ZNF280C: variants seen among roughly 807,000 people sequenced by gnomAD.
The protein encoded by ZNF280C is zinc finger protein 280C, also known as suppressor of hairy wing homolog 3.
ZNF280C carries 14 observed loss-of-function variants against 53.6 expected under a neutral mutation model. The ratio of observed to expected loss-of-function variants is 0.26; its 90% CI spans 0.17 to 0.41. ZNF280C has a LOEUF of 0.41. ZNF280C is among the 10% of genes least tolerant of loss of function. ZNF280C has a pLI of 1.00. For missense variants in ZNF280C, 416 were observed against 547.1 expected (o/e 0.76, Z 2.39); for synonymous variants, 203 against 181.1 (o/e 1.12, Z -0.97).
In ZNF280C at chrX:130,215,189, T is replaced by A. The variant is rs1434629151; in HGVS notation, c.1979+4A>T. On this transcript the variant is annotated splice_donor_region_variant and intron_variant, in intron 15 of 18. Coordinates refer to ENST00000370978, the MANE Select transcript of ZNF280C (RefSeq NM_017666.5). ...CTGATTGGCAGTTTACATGTTTAAC[T>A]TACCTCATCATATGATTTACAAAGG... 2 of 1,203,827 alleles carry A rather than the reference T, an allele frequency of 1.7e-6. No homozygotes were observed. Among genetic ancestry groups the A allele is most frequent in the South Asian group, 1.8e-5 (1 of 55,504 alleles).
intron 3 of ZNF280C, among the ~76,000 whole-genome samples, chrX:130,244,272 T>A (rs1174532974): frequency 9.0e-6 from 1 of 111,709 alleles, no homozygotes; most frequent in Non-Finnish European, 1.9e-5. Flanking sequence ...ACGCTAGAAG[T>A]CAGTTTGAGC....
intron 5 of ZNF280C, among the ~76,000 whole-genome samples, chrX:130,241,236 T>C (rs756188624): frequency 8.9e-6 from 1 of 112,415 alleles, no homozygotes; most frequent in East Asian, 2.8e-4. Context: ...TAGATTTAAA[T>C]TTTTAAATAA....
intron 16 of ZNF280C, among the ~76,000 whole-genome samples, chrX:130,206,688 G>C (rs2031979247): frequency 9.0e-6 from 1 of 111,357 alleles, no homozygotes; most frequent in Non-Finnish European, 1.9e-5. Context: ...TTAACAACCT[G>C]TTGTGGATTT....
At chrX:130,208,426 G>C (rs1270568832) in intron 16 of ZNF280C, among the ~76,000 whole-genome samples, 1 of 111,091 alleles carries the variant, frequency 9.0e-6, no homozygotes, top group African/African-American at 3.3e-5. Flanking sequence ...CACTGCACCC[G>C]ACCCATACAC....
Position 130,205,126 on chromosome X carries a change from G to T in ZNF280C, c.2189C>A (p.Pro730His), listed in dbSNP as rs758665492. ...GGAAAATTAAACTTACCCAGTAGTG[G>T]GTTCAGAAGTTGAGGTACTTTTGGA... is the stretch of plus-strand genomic sequence containing the variant. ...NVSKSTSTSE[P>H]TTGCSLK Residue 730 changes from proline to histidine, a missense_variant, in exon 18 of 19, where the codon CCC becomes CAC. Pro to His is a moderately conservative substitution (Grantham distance 77). Around this residue, in one of 3 missense-constraint regions of ZNF280C, gnomAD observed 151 missense variants for 176.9 expected, o/e 0.85. Transcript: ENST00000370978. The T allele has an allele frequency of 4.2e-6, 5 of 1,200,159 alleles. No individual in the cohort carries two copies. The African/African-American group carries it at 8.8e-5, about 21-fold the overall frequency.
intron 16 of ZNF280C, among the ~76,000 whole-genome samples, 200 bp downstream of exon 16, chrX:130,209,453 C>T (rs2032018066): frequency 8.9e-6 from 1 of 111,828 alleles, no homozygotes; most frequent in South Asian, 3.7e-4. Context: ...TGTTATTTTA[C>T]AAACGCAAAT....
At chrX:130,228,617 CTTTTTTTTTT>C (rs35926660) in intron 10 of ZNF280C, among the ~76,000 whole-genome samples, 8 of 58,398 alleles carry the variant, frequency 1.4e-4, no homozygotes, top group Admixed American at 4.9e-4. Flanking sequence ...TTTTCTTCTA[CTTTTTTTTTT>C]TTTTTTTTTT....
At chrX:130,231,556 C>T (rs1293503199) in intron 8 of ZNF280C, among the ~76,000 whole-genome samples, 3 of 111,311 alleles carry the variant, frequency 2.7e-5, no homozygotes, top group Admixed American at 1.9e-4. Context: ...GGAAACTACA[C>T]TGAGGTCTCC....
intron 15 of ZNF280C, among the ~76,000 whole-genome samples, chrX:130,213,693 AAAT>A (rs1449020963): frequency 1.8e-5 from 2 of 111,868 alleles, no homozygotes; most frequent in African/African-American, 6.5e-5. Context: ...TGAGAATTCA[AAAT>A]AAGTATTGTC....
intron 1 of ZNF280C, among the ~76,000 whole-genome samples, chrX:130,266,680 C>T (rs2124720532): frequency 9.0e-6 from 1 of 111,281 alleles, no homozygotes; most frequent in Non-Finnish European, 1.9e-5. Flanking sequence ...AACTACTTTG[C>T]AGCAAATGAA....
chrX:130,233,428 C>T (rs2032298229), intron 8 of ZNF280C, among the ~76,000 whole-genome samples: 2 of 110,290 alleles, frequency 1.8e-5, no homozygotes, highest in African/African-American at 6.6e-5. Flanking sequence ...ACCAGCCTGA[C>T]CAACATGGAG....
intron 15 of ZNF280C, among the ~76,000 whole-genome samples, chrX:130,214,847 GATCATATTTATTTGATAAATATA>G (rs1220996213): frequency 9.0e-6 from 1 of 111,481 alleles, no homozygotes; most frequent in Non-Finnish European, 1.9e-5. Flanking sequence ...TGCAAGAGCT[GATCATATTTATTTGATAAATATA>G]TTGAAAACAC....
chrX:130,233,165 G>T (rs1276360963), intron 8 of ZNF280C, among the ~76,000 whole-genome samples: 1 of 111,696 alleles, frequency 9.0e-6, no homozygotes, highest in Non-Finnish European at 1.9e-5. Context: ...ACTCATAGAT[G>T]CAGAGAGTAG....
intron 8 of ZNF280C, among the ~76,000 whole-genome samples, chrX:130,235,437 T>C (rs189168723): frequency 1.8e-5 from 2 of 111,905 alleles, no homozygotes; most frequent in Admixed American, 9.5e-5. Flanking sequence ...TCGCCTGAAC[T>C]GGAGAGGCAA....
chrX:130,206,351 G>T (rs1473820090), intron 16 of ZNF280C, among the ~76,000 whole-genome samples: 2 of 104,161 alleles, frequency 1.9e-5, no homozygotes, highest in Non-Finnish European at 3.9e-5. Flanking sequence ...ACCTTGGATT[G>T]ACTTCTTTAG....
chrX:130,222,331 C>CACACACACACACACACACACACA (rs60553619), intron 12 of ZNF280C, among the ~76,000 whole-genome samples: 2 of 103,908 alleles, frequency 1.9e-5, no homozygotes, highest in African/African-American at 3.5e-5. Context: ...CACACACACA[C>CACACACACACACACACACACACA]CCTTCTCTAC....
At position 130,236,465 on chromosome X, in the gene ZNF280C, T is replaced by C. The variant is rs2032334959; in HGVS notation, c.664+4A>G. Reference sequence around the variant, plus strand: ...TTTTTTTACATGTCAGATTTCATGTTTACCTTTTGACAGCATAACTTGGGA... The same window carrying C: ...TTTTTTTACATGTCAGATTTCATGTCTACCTTTTGACAGCATAACTTGGGA... On this transcript the variant is annotated splice_donor_region_variant and intron_variant, in intron 7 of 18. Coordinates refer to ENST00000370978, the MANE Select transcript of ZNF280C (RefSeq NM_017666.5). The C allele has an allele frequency of 8.5e-7, 1 of 1,179,552 alleles. No individual in the cohort carries two copies. Among genetic ancestry groups the C allele is most frequent in the Admixed American group, 2.6e-5 (1 of 38,993 alleles).
intron 11 of ZNF280C, 33 bp from the exon 12 acceptor site, chrX:130,226,938 ATATTT>A: frequency 8.7e-7 from 1 of 1,152,143 alleles, no homozygotes. Flanking sequence ...GTTTAACTTG[ATATTT>A]TATAACTTCT....
intron 13 of ZNF280C, among the ~76,000 whole-genome samples, chrX:130,217,245 G>T (rs930892880): frequency 5.4e-5 from 6 of 111,879 alleles, no homozygotes; most frequent in Admixed American, 9.5e-5. Context: ...TATCTATACA[G>T]TGGAGTATTA....
Sources: allele counts gnomAD v4.1 joint callset (sites outside exome capture counted in the v4.1 genomes callset), GRCh38; gene constraint gnomAD v4.1.1; regional missense constraint gnomAD v4.1.1; transcripts MANE v1.5; gene names NCBI Gene and HGNC (gene_info 2026-07-23, HGNC 2026-07-21).